DSCAM: variants seen among roughly 807,000 people sequenced by gnomAD.
DSCAM encodes the protein DS cell adhesion molecule, also known as cell adhesion molecule DSCAM.
A neutral mutation model predicts 217.7 loss-of-function variants in DSCAM; 47 were observed. The observed-to-expected ratio is 0.22, with a 90% CI of 0.17 to 0.28. The LOEUF is 0.28. DSCAM is among the 10% of genes least tolerant of loss of function. The probability of loss-of-function intolerance (pLI) is 1.00; values close to 1 mark genes in which losing one functional copy is unlikely to be tolerated. For missense variants in DSCAM, 2,080 were observed against 2,618.3 expected, an observed-to-expected ratio of 0.79 and a Z score of 4.49; for synonymous variants, 1,056 against 1,015.3, an observed-to-expected ratio of 1.04 and a Z score of -0.76.
At chr21:40,705,947 G>GATCCCAA in intron 2 of DSCAM, among the ~76,000 whole-genome samples, 1 of 152,140 alleles carries the variant, frequency 6.6e-6, no homozygotes, top group East Asian at 1.9e-4. Context: ...TTGGGAGGCC[G>GATCCCAA]AGGTGGGCAG....
At chr21:40,780,383 A>G (rs994511814) in intron 1 of DSCAM, among the ~76,000 whole-genome samples, 5 of 137,906 alleles carry the variant, frequency 3.6e-5, no homozygotes, top group Non-Finnish European at 6.3e-5. Context: ...TGCCTCACCT[A>G]TTTCCAAATA....
intron 23 of DSCAM, 147 bp from the exon 24 acceptor site, chr21:40,084,153 A>G: frequency 1.6e-6 from 1 of 607,476 alleles, no homozygotes; most frequent in Non-Finnish European, 2.9e-6. Flanking sequence ...TTCTGTCAAA[A>G]TGTCTATTTA....
rs568364982 is a variant in DSCAM at position 40,605,165 on chromosome 21, A to G, written c.508+87645T>C. Among the ~76,000 whole-genome samples, 22 of 152,276 alleles carry G rather than the reference A, an allele frequency of 1.4e-4. No homozygotes were observed. In the South Asian group the frequency reaches 2.7e-3, roughly 19 times the overall value. On this transcript the variant is annotated intron_variant, in intron 3 of 32. Coordinates refer to ENST00000400454, the MANE Select transcript of DSCAM (RefSeq NM_001389.5). The stretch of plus-strand genomic sequence containing the variant: ...GGGCTCCTAGGAAATATTAACTCTC[A>G]AGCCTCACATACTTAGTCTCCAGCA...
chr21:40,423,662 C>A (rs2075445819), intron 3 of DSCAM, among the ~76,000 whole-genome samples: 1 of 152,150 alleles, frequency 6.6e-6, no homozygotes, highest in South Asian at 2.1e-4. Flanking sequence ...GCCTCAGTCT[C>A]TTTTTGTGCC....
chr21:40,803,839 G>T (rs1289306737), intron 1 of DSCAM, among the ~76,000 whole-genome samples: 2 of 152,024 alleles, frequency 1.3e-5, no homozygotes, highest in African/African-American at 4.8e-5. Context: ...AAATCCCACA[G>T]CTGGGAAGAT....
intron 3 of DSCAM, among the ~76,000 whole-genome samples, chr21:40,468,852 T>A (rs955321050): frequency 1.3e-5 from 2 of 151,936 alleles, no homozygotes; most frequent in Non-Finnish European, 2.9e-5. Flanking sequence ...TAAAAAAAAA[T>A]TACCTCCATC....
intron 3 of DSCAM, among the ~76,000 whole-genome samples, chr21:40,414,170 A>G (rs2075348936): frequency 6.6e-6 from 1 of 152,242 alleles, no homozygotes; most frequent in Non-Finnish European, 1.5e-5. Context: ...TTCCAAAAAT[A>G]CGTTTAAGAA....
chr21:40,637,372 T>C (rs2089794873), intron 3 of DSCAM, among the ~76,000 whole-genome samples: 1 of 34,124 alleles, frequency 2.9e-5, no homozygotes, highest in Non-Finnish European at 5.0e-5. Flanking sequence ...TATATAAATA[T>C]ATATAAATAT....
chr21:40,478,141 A>G (rs915641783), intron 3 of DSCAM, among the ~76,000 whole-genome samples: 3 of 152,194 alleles, frequency 2.0e-5, no homozygotes, highest in Admixed American at 2.0e-4. Flanking sequence ...TTCCTTCAAC[A>G]TTACCTTTTC....
At chr21:40,575,614 A>T (rs1468086691) in intron 3 of DSCAM, among the ~76,000 whole-genome samples, 2 of 152,230 alleles carry the variant, frequency 1.3e-5, no homozygotes, top group Non-Finnish European at 2.9e-5. Context: ...AGTCCGACTC[A>T]ACTCCTTATG....
chr21:40,523,904 C>T (rs2076379669), intron 3 of DSCAM, among the ~76,000 whole-genome samples: 1 of 152,134 alleles, frequency 6.6e-6, no homozygotes, highest in Admixed American at 6.5e-5. Context: ...TGTATGCCCT[C>T]TCCTGAAAGT....
chr21:40,168,355 T>C (rs935609868), intron 15 of DSCAM, among the ~76,000 whole-genome samples: 2 of 152,106 alleles, frequency 1.3e-5, no homozygotes, highest in African/African-American at 4.8e-5. Flanking sequence ...GGTGTAGAAC[T>C]AAGAGATGTA....
chr21:40,630,183 C>T (rs1337642977), intron 3 of DSCAM, among the ~76,000 whole-genome samples: 2 of 152,030 alleles, frequency 1.3e-5, no homozygotes, highest in Admixed American at 1.3e-4. Context: ...TATTAGGGAA[C>T]GGACACATTT....
chr21:40,158,839 A>C (rs2090507699), intron 16 of DSCAM, among the ~76,000 whole-genome samples: 1 of 152,258 alleles, frequency 6.6e-6, no homozygotes, highest in Non-Finnish European at 1.5e-5. Context: ...ATTTTTCAAA[A>C]GAACAGGAAG....
At chr21:40,227,414 T>C (rs1290046654) in intron 11 of DSCAM, among the ~76,000 whole-genome samples, 1 of 152,228 alleles carries the variant, frequency 6.6e-6, no homozygotes, top group Non-Finnish European at 1.5e-5. Context: ...AGGGTCATTT[T>C]TGTGGCCTGT....
rs1256492481 is a variant in DSCAM at position 40,123,718 on chromosome 21, C to T, written c.3696+477G>A. Among the ~76,000 whole-genome samples the T allele has an allele frequency of 5.6e-5, 8 of 143,552 alleles. No individual in the cohort carries two copies. In the East Asian group the frequency reaches 1.8e-3, roughly 32 times the overall value. The allele number at this position is 143,552 out of a possible 152,430, so 94.2% of individuals were successfully genotyped here. ...CATTTCTAGCACAATAGGGTTTTGC[C>T]TGCTATTCTTTTCCCTGTGAGAGAT... On this transcript the variant is annotated intron_variant, in intron 20 of 32. Coordinates refer to ENST00000400454, the MANE Select transcript of DSCAM (RefSeq NM_001389.5).
chr21:40,508,783 A>ATT (rs1178142732), intron 3 of DSCAM, among the ~76,000 whole-genome samples: 14 of 24,210 alleles, frequency 5.8e-4, no homozygotes, highest in South Asian at 4.9e-3. Flanking sequence ...ATATATATAT[A>ATT]TTTTTTTTTT....
chr21:40,231,024 T>C (rs866705149), intron 11 of DSCAM, among the ~76,000 whole-genome samples: 10 of 151,888 alleles, frequency 6.6e-5, no homozygotes, highest in Non-Finnish European at 1.0e-4. Flanking sequence ...TTTTTTTTTT[T>C]CACAACTTAG....
chr21:40,558,083 C>A (rs1017773651), intron 3 of DSCAM, among the ~76,000 whole-genome samples: 2 of 152,130 alleles, frequency 1.3e-5, no homozygotes, highest in African/African-American at 4.8e-5. Context: ...ATCCAAGGAT[C>A]ATCGGTAAAT....
Sources: gnomAD v4.1 joint callset for allele counts (sites outside exome capture counted in the v4.1 genomes callset) on GRCh38, gnomAD v4.1.1 for gene constraint, MANE v1.5 for transcripts, NCBI Gene and HGNC (gene_info 2026-07-23, HGNC 2026-07-21) for gene names.